The following FSTL4 variants were observed in gnomAD, a reference collection of about 807,000 sequenced individuals.
The protein encoded by FSTL4 is follistatin-related protein 4.
A neutral mutation model predicts 78.2 loss-of-function variants in FSTL4; 28 were observed. That is an observed-to-expected ratio of 0.36 (90% confidence interval 0.27 to 0.49). The LOEUF (loss-of-function observed/expected upper bound fraction) is 0.49. Among genes scored for constraint, FSTL4 ranks in the 20% least tolerant of loss-of-function variants. The pLI, the probability that FSTL4 is intolerant of heterozygous loss-of-function variation, is 0.98. For synonymous variants in FSTL4, 422 were observed against 440.5 expected (o/e 0.96, Z 0.53); for missense variants, 922 against 1,084.9 (o/e 0.85, Z 2.11).
chr5:133,740,990 T>C, the FSTL4 span, among the ~76,000 whole-genome samples: 1 of 151,688 alleles, frequency 6.6e-6, no homozygotes, highest in South Asian at 2.1e-4. Context: ...GGAGGGTGAA[T>C]GGATGAATGA....
rs1401430352 is a variant in FSTL4, at chr5:133,611,673, C to CA, written c.-11+651_-11+652insT. 1.3e-5 allele frequency among the ~76,000 whole-genome samples: 2 copies of CA among 152,222 alleles called. No homozygotes were observed. Among genetic ancestry groups the CA allele is most frequent in the Non-Finnish European group, 2.9e-5 (2 of 68,038 alleles). ...ACCGCGGCCGGCTACGCACAAGCAG[C>CA]GCCGCAGGCTGCCTGGAGTCGGGTC... is the stretch of plus-strand genomic sequence containing the variant. On this transcript the variant is annotated intron_variant, in intron 1 of 15. Transcript: ENST00000265342. The surrounding 1 kb of genome is among the most constrained non-coding windows in gnomAD (Gnocchi z 4.9).
At chr5:133,832,731 C>T in the FSTL4 span, among the ~76,000 whole-genome samples, 1 of 152,180 alleles carries the variant, frequency 6.6e-6, no homozygotes, top group Non-Finnish European at 1.5e-5. Context: ...CATATTAGTG[C>T]CTGGTAGGTG....
At chr5:133,226,600 G>C (rs1751342673) in intron 8 of FSTL4, among the ~76,000 whole-genome samples, 1 of 152,170 alleles carries the variant, frequency 6.6e-6, no homozygotes, top group Non-Finnish European at 1.5e-5. Flanking sequence ...GTGGAATTGA[G>C]GGTTCTTCCT....
chr5:133,660,637 G>C, the FSTL4 span, among the ~76,000 whole-genome samples: 5 of 152,264 alleles, frequency 3.3e-5, no homozygotes, highest in Admixed American at 6.5e-5. Flanking sequence ...TGCCCACCCT[G>C]TCCCTCTCCC....
intron 3 of FSTL4, among the ~76,000 whole-genome samples, chr5:133,524,611 C>A (rs75452487): frequency 1.3e-5 from 2 of 152,162 alleles, no homozygotes; most frequent in East Asian, 1.9e-4. Context: ...TTCCAAGCTG[C>A]GTCTCTTTGG....
chr5:133,240,474 G>A (rs891854122), intron 7 of FSTL4, among the ~76,000 whole-genome samples: 2 of 152,188 alleles, frequency 1.3e-5, no homozygotes, highest in Non-Finnish European at 2.9e-5. Context: ...GAGTGGGCCT[G>A]TCCTCCTGCT....
chr5:133,504,551 C>T (rs1232695755), intron 3 of FSTL4, among the ~76,000 whole-genome samples: 3 of 152,148 alleles, frequency 2.0e-5, no homozygotes, highest in Non-Finnish European at 4.4e-5. Context: ...TGATGCTTAC[C>T]ACTGCTTTTA....
chr5:133,210,198 C>G lies in FSTL4; in HGVS notation c.1709G>C (p.Ser570Thr). ...SWGDVHKSRP[S>T]LQVITEASTG... ...TCCATGTGCTCAACATACCTGGAGACTTGGTCGGGACTTGTGCACGTCCCC... is the reference window on the plus strand; with the variant it reads ...TCCATGTGCTCAACATACCTGGAGAGTTGGTCGGGACTTGTGCACGTCCCC... Residue 570 changes from serine to threonine, a missense_variant, in exon 14 of 16, where the codon AGT becomes ACT. Coordinates refer to ENST00000265342, the MANE Select transcript of FSTL4 (RefSeq NM_015082.2). 6.3e-7 allele frequency: 1 copy of G among 1,581,740 alleles called. No individual in the cohort carries two copies. Among genetic ancestry groups the G allele is most frequent in the Non-Finnish European group, 8.7e-7 (1 of 1,150,516 alleles).
the FSTL4 span, among the ~76,000 whole-genome samples, chr5:133,710,293 GC>G: frequency 1.3e-5 from 2 of 152,134 alleles, no homozygotes; most frequent in Non-Finnish European, 2.9e-5. Flanking sequence ...CTGAATACAA[GC>G]CCGGCCCTCC....
At chr5:133,812,086 C>T in the FSTL4 span, among the ~76,000 whole-genome samples, 2 of 152,132 alleles carry the variant, frequency 1.3e-5, no homozygotes, top group Admixed American at 1.3e-4. Flanking sequence ...GTCCATATGC[C>T]TCTCTTTCCC....
intron 11 of FSTL4, among the ~76,000 whole-genome samples, chr5:133,223,166 G>A (rs1422493469): frequency 1.3e-5 from 2 of 152,234 alleles, no homozygotes; most frequent in African/African-American, 4.8e-5. Flanking sequence ...CAGCCTAGAT[G>A]CTGCTAGTTC....
intron 3 of FSTL4, among the ~76,000 whole-genome samples, chr5:133,485,673 G>A (rs1462845577): frequency 6.6e-6 from 1 of 152,186 alleles, no homozygotes; most frequent in African/African-American, 2.4e-5. Context: ...GGGCAGGCAG[G>A]AGGCACTCCT....
chr5:133,723,816 G>A, the FSTL4 span, among the ~76,000 whole-genome samples: 1 of 152,302 alleles, frequency 6.6e-6, no homozygotes, highest in East Asian at 1.9e-4. Flanking sequence ...TATGCTGGAG[G>A]CCTGAGGTCC....
At chr5:133,690,361 A>G in the FSTL4 span, among the ~76,000 whole-genome samples, 1 of 152,218 alleles carries the variant, frequency 6.6e-6, no homozygotes, top group Non-Finnish European at 1.5e-5. Flanking sequence ...CCAAGGTGGA[A>G]TTATGCCATG....
chr5:133,574,056 C>T (rs1760221172), intron 2 of FSTL4, among the ~76,000 whole-genome samples: 1 of 152,094 alleles, frequency 6.6e-6, no homozygotes, highest in African/African-American at 2.4e-5. Flanking sequence ...AAAATTAGGA[C>T]TTCTGTTTAT....
At chr5:133,433,377 T>C (rs1168310541) in intron 3 of FSTL4, among the ~76,000 whole-genome samples, 3 of 152,194 alleles carry the variant, frequency 2.0e-5, no homozygotes, top group African/African-American at 7.2e-5. Flanking sequence ...CACGCAAGGG[T>C]AGGGCACCCC....
chr5:133,439,300 AAC>A (rs1391081410), intron 3 of FSTL4, among the ~76,000 whole-genome samples: 2 of 152,206 alleles, frequency 1.3e-5, no homozygotes, highest in African/African-American at 2.4e-5. Flanking sequence ...CTTTAAATAA[AAC>A]ATTCTTTTTA....
At chr5:133,247,722 G>C in intron 7 of FSTL4, 1 of 152,390 alleles carries the variant, frequency 6.6e-6, no homozygotes, top group South Asian at 2.1e-4. Context: ...CACCAGGATT[G>C]TGCTGCATTG....
At chr5:133,482,652 G>A (rs894724905) in intron 3 of FSTL4, among the ~76,000 whole-genome samples, 1 of 152,232 alleles carries the variant, frequency 6.6e-6, no homozygotes, top group Non-Finnish European at 1.5e-5. Context: ...AGAGTGAGCA[G>A]GTGGCAGGGG....
Sources: gnomAD v4.1 joint callset for allele counts (sites outside exome capture counted in the v4.1 genomes callset) on GRCh38, gnomAD v4.1.1 for gene constraint, Gnocchi (gnomAD v3.1) non-coding constraint, MANE v1.5 for transcripts, NCBI Gene and HGNC (gene_info 2026-07-23, HGNC 2026-07-21) for gene names.